CCDC171: variants seen among roughly 807,000 people sequenced by gnomAD.
CCDC171 encodes coiled-coil domain containing 171.
In CCDC171, 177 loss-of-function variants were observed where a neutral mutation model predicts 168.2. That is an observed-to-expected ratio of 1.05 (90% CI 0.93 to 1.19). The LOEUF is 1.19. CCDC171 is among the 50% of genes most tolerant of loss of function. CCDC171 has a pLI of 0.00. For synonymous variants in CCDC171, 687 were observed against 540.8 expected (o/e 1.27, Z -3.75); for missense variants, 1,991 against 1,539.0 (o/e 1.29, Z -4.91).
intron 25 of CCDC171, among the ~76,000 whole-genome samples, chr9:15,954,193 A>G (rs190395037): frequency 4.2e-4 from 61 of 143,916 alleles, no homozygotes; most frequent in African/African-American, 1.4e-3. Flanking sequence ...CTCTTCTCTA[A>G]TCTTTTTTCC....
intron 3 of CCDC171, among the ~76,000 whole-genome samples, chr9:15,987,647 G>A (rs1374235175): frequency 6.7e-6 from 1 of 148,428 alleles, no homozygotes; most frequent in East Asian, 2.0e-4. Context: ...TGTTAAAGGA[G>A]TGAGATGGAG....
intron 12 of CCDC171, among the ~76,000 whole-genome samples, chr9:15,722,302 A>G (rs1175818069): frequency 2.6e-5 from 4 of 152,250 alleles, no homozygotes; most frequent in African/African-American, 9.6e-5. Flanking sequence ...TTAATAAAAA[A>G]GAGAGAAATT....
intron 6 of CCDC171, among the ~76,000 whole-genome samples, chr9:15,612,786 C>T (rs1212828297): frequency 6.6e-6 from 1 of 152,090 alleles, no homozygotes; most frequent in Non-Finnish European, 1.5e-5. Flanking sequence ...ACTTTGGTGG[C>T]TTTATTTTGA....
chr9:15,921,087 A>G (rs1254045214), intron 25 of CCDC171, among the ~76,000 whole-genome samples: 1 of 151,808 alleles, frequency 6.6e-6, no homozygotes, highest in African/African-American at 2.4e-5. Context: ...TGTCAACAGT[A>G]GATTCAGAAG....
chr9:15,969,988 C>T (rs957645036), intron 25 of CCDC171, among the ~76,000 whole-genome samples: 1 of 152,132 alleles, frequency 6.6e-6, no homozygotes, highest in African/African-American at 2.4e-5. Context: ...GGTCAACACA[C>T]GATTTTGGAA....
At chr9:15,673,330 G>C (rs1306724449) in intron 9 of CCDC171, among the ~76,000 whole-genome samples, 1 of 152,162 alleles carries the variant, frequency 6.6e-6, no homozygotes, top group Non-Finnish European at 1.5e-5. Flanking sequence ...TTTCCTAATT[G>C]AATACGCTTT....
In CCDC171 at chr9:15,691,544, T is replaced by TATATA. The variant is rs1554762170; in HGVS notation, c.1216-3691_1216-3690insATATA. The stretch of plus-strand genomic sequence containing the variant: ...TTAAAAATACCTGTAAATATATGTT[T>TATATA]TTTATATATATATATATATATATAT... On this transcript the variant is annotated intron_variant, in intron 10 of 25. Coordinates refer to ENST00000380701, the MANE Select transcript of CCDC171 (RefSeq NM_173550.4). Among the ~76,000 whole-genome samples the TATATA allele has an allele frequency of 6.4e-3, 558 of 87,706 alleles. 9 individuals carry two copies. The highest frequency in any genetic ancestry group is 0.028 in the African/African-American group (521 of 18,600). The allele number at this position is 87,706 out of a possible 152,430, so 57.5% of individuals were successfully genotyped here. A position where few individuals can be genotyped will look rare whatever the true frequency, so the allele number is the denominator to read the frequency against.
intron 25 of CCDC171, among the ~76,000 whole-genome samples, chr9:15,921,071 C>T (rs971514001): frequency 2.0e-5 from 3 of 151,590 alleles, no homozygotes; most frequent in Non-Finnish European, 4.4e-5. Context: ...CCTCAAAAGG[C>T]TGATATGTCA....
chr9:15,720,438 A>G (rs1351530479), intron 11 of CCDC171, among the ~76,000 whole-genome samples: 1 of 152,158 alleles, frequency 6.6e-6, no homozygotes, highest in Non-Finnish European at 1.5e-5. Flanking sequence ...ATAATGCCTA[A>G]GATTAGTATG....
At chr9:16,049,371 T>C (rs936362420) in intron 1 of CCDC171, among the ~76,000 whole-genome samples, 3 of 152,186 alleles carry the variant, frequency 2.0e-5, no homozygotes, top group Admixed American at 1.3e-4. Context: ...ATTTTGGGTG[T>C]GTCTGTGAGG....
At position 15,744,299 on chromosome 9, in the gene CCDC171, C is replaced by G. The variant is rs201523010; in HGVS notation, c.2076C>G (p.Asn692Lys). The G allele has an allele frequency of 6.3e-7, 1 of 1,582,224 alleles. No homozygotes were observed. The highest frequency in any genetic ancestry group is 1.2e-5 in the South Asian group (1 of 84,850). ...AQKFQEIAEK[N>K]MEKLNHIEKS... ...AATTTCAAGAAATTGCTGAAAAAAA[C>G]ATGGAAAAATTGAACCATATTGAGA... Residue 692 changes from asparagine to lysine, a missense_variant, in exon 17 of 26, where the codon AAC (asparagine) becomes AAG (lysine). Asn to Lys is a moderately conservative substitution (Grantham distance 94). Transcript: ENST00000380701.
chr9:15,994,711 T>G (rs983783318), intron 3 of CCDC171, among the ~76,000 whole-genome samples: 1 of 152,222 alleles, frequency 6.6e-6, no homozygotes, highest in East Asian at 1.9e-4. Flanking sequence ...GTACATTGTC[T>G]GCAGTGTTAA....
intron 7 of CCDC171, among the ~76,000 whole-genome samples, chr9:15,648,956 A>T (rs1399578659): frequency 2.6e-5 from 4 of 152,246 alleles, no homozygotes; most frequent in African/African-American, 4.8e-5. Flanking sequence ...CCTAAGCCGA[A>T]AGAACAAAGC....
intron 8 of CCDC171, among the ~76,000 whole-genome samples, chr9:15,660,119 G>T (rs7870315): frequency 0.92 from 139,820 of 152,256 alleles, 64,475 homozygotes; most frequent in East Asian, 1. Context: ...GTAAAGATTT[G>T]GTATTAAAAT....
rs575958727 is a variant in CCDC171, at chr9:15,657,285, A to G, written c.915+66A>G. 9.5e-5 allele frequency: 88 copies of G among 923,208 alleles called. No homozygotes were observed. The African/African-American group carries it at 1.2e-3, about 12-fold the overall frequency. 57.2% of individuals were successfully genotyped at this position (923,208 alleles called of 1,614,324 possible). Reference sequence around the variant, plus strand: ...TTGTGTTATAACAGCTGGGAAAAACAGCACTGTGTTCAGAGAACGAAGGTG... The same window carrying G: ...TTGTGTTATAACAGCTGGGAAAAACGGCACTGTGTTCAGAGAACGAAGGTG... On this transcript the variant is annotated intron_variant, in intron 8 of 25. Transcript: ENST00000380701.
At chr9:15,629,321 G>C (rs1029959480) in intron 7 of CCDC171, among the ~76,000 whole-genome samples, 1 of 152,208 alleles carries the variant, frequency 6.6e-6, no homozygotes, top group Non-Finnish European at 1.5e-5. Context: ...CCAATACAGA[G>C]AAGTGCTTAA....
rs781185148 is a variant in CCDC171 at position 15,678,888 on chromosome 9, C to G, written c.1207C>G (p.Leu403Val). The G allele has an allele frequency of 1.3e-6, 2 of 1,581,334 alleles. No individual in the cohort carries two copies. The highest frequency in any genetic ancestry group is 1.7e-6 in the Non-Finnish European group (2 of 1,168,150). ...AAGTTGCAGTGAATTACAGGAAGAA[C>G]TAGTAATGGTAAGGATAAAAAAGAA... Reference protein sequence around the residue: ...EKSCSELQEELVMAKKHQAFL... With the variant: ...EKSCSELQEEVVMAKKHQAFL... The change falls in exon 10 of 26, where the codon CTA becomes GTA. Residue 403 changes from leucine to valine, a missense_variant. Physicochemically the swap from Leu to Val is conservative, Grantham distance 32. Transcript: ENST00000380701.
intron 7 of CCDC171, among the ~76,000 whole-genome samples, chr9:15,628,257 G>A (rs1217351422): frequency 6.6e-6 from 1 of 152,056 alleles, no homozygotes; most frequent in Non-Finnish European, 1.5e-5. Flanking sequence ...AAGGGGTCAC[G>A]GAGTTCCCTT....
At chr9:15,623,720 A>G in intron 7 of CCDC171, among the ~76,000 whole-genome samples, 1 of 152,182 alleles carries the variant, frequency 6.6e-6, no homozygotes, top group East Asian at 1.9e-4. Context: ...GTAATTGTTT[A>G]CATTATTAGG....
Sources: allele counts gnomAD v4.1 joint callset (sites outside exome capture counted in the v4.1 genomes callset), GRCh38; gene constraint gnomAD v4.1.1; transcripts MANE v1.5; gene names NCBI Gene and HGNC (gene_info 2026-07-23, HGNC 2026-07-21).